Variants in PSD2 observed in about 807,000 individuals in gnomAD.
The protein encoded by PSD2 is pleckstrin and Sec7 domain containing 2, also known as PH and SEC7 domain-containing protein 2.
A neutral mutation model predicts 69.8 loss-of-function variants in PSD2; 38 were observed. That is an observed-to-expected ratio of 0.54 (90% CI 0.42 to 0.71). The LOEUF is 0.71. Ranked by LOEUF, PSD2 falls within the 30% of genes least tolerant of loss-of-function variation. The pLI, the probability that PSD2 is intolerant of heterozygous loss-of-function variation, is 0.00. For synonymous variants in PSD2, 412 were observed against 423.0 expected, an observed-to-expected ratio of 0.97 and a Z score of 0.32; for missense variants, 943 against 1,014.5, an observed-to-expected ratio of 0.93 and a Z score of 0.96.
rs1581742684 is a variant in PSD2 at position 139,839,803 on chromosome 5, G to A, written c.1969-224G>A. ...CCAAGCCTGCGGTGGGGTGGCTGGGGGGCATCGAGGAAAGCTGATGCTGAT... is the reference window on the plus strand; with the variant it reads ...CCAAGCCTGCGGTGGGGTGGCTGGGAGGCATCGAGGAAAGCTGATGCTGAT... On this transcript the variant is annotated intron_variant, in intron 13 of 14. Coordinates refer to ENST00000274710, the MANE Select transcript of PSD2 (RefSeq NM_032289.4). This position sits in a 1 kb window ranked among gnomAD's most constrained non-coding sequence, Gnocchi z 5.1. 6.6e-6 allele frequency among the ~76,000 whole-genome samples: 1 copy of A among 152,184 alleles called. No homozygotes were observed. Among genetic ancestry groups the A allele is most frequent in the East Asian group, 1.9e-4 (1 of 5,192 alleles).
At chr5:139,796,720 G>T (rs895172777) in intron 1 of PSD2, among the ~76,000 whole-genome samples, 2 of 152,216 alleles carry the variant, frequency 1.3e-5, no homozygotes, top group Admixed American at 6.5e-5. Flanking sequence ...GGGACTCCCC[G>T]GAATGATCAC....
chr5:139,765,072 C>T, the PSD2 span, among the ~76,000 whole-genome samples: 1 of 151,946 alleles, frequency 6.6e-6, no homozygotes, highest in East Asian at 1.9e-4. Flanking sequence ...CGAACCCTTC[C>T]AACGCCCCCT....
chr5:139,775,857 C>T, the PSD2 span, among the ~76,000 whole-genome samples: 3 of 152,266 alleles, frequency 2.0e-5, no homozygotes, highest in South Asian at 2.1e-4. Context: ...TTAGTAGAGA[C>T]GGAGTTTCGC....
chr5:139,807,172 A>G lies in PSD2; in HGVS notation c.-50-2219A>G, dbSNP rs142415073. ...AGGCTTAGGCAGAGCCCTGACTCAAAATGGTGGGCTCAGCCCCTAGGTATG... is the reference window on the plus strand; with the variant it reads ...AGGCTTAGGCAGAGCCCTGACTCAAGATGGTGGGCTCAGCCCCTAGGTATG... On this transcript the variant is annotated intron_variant, in intron 1 of 14. Transcript: ENST00000274710. 3.1e-3 allele frequency among the ~76,000 whole-genome samples: 473 copies of G among 152,278 alleles called. 4 individuals carry two copies. The highest frequency in any genetic ancestry group is 0.011 in the African/African-American group (447 of 41,562).
the PSD2 span, among the ~76,000 whole-genome samples, chr5:139,765,197 C>A: frequency 6.6e-6 from 1 of 152,150 alleles, no homozygotes; most frequent in Non-Finnish European, 1.5e-5. Flanking sequence ...TATCTTCACA[C>A]TGCCTTCCAG....
the PSD2 span, among the ~76,000 whole-genome samples, chr5:139,754,651 C>G: frequency 6.6e-6 from 1 of 151,506 alleles, no homozygotes; most frequent in East Asian, 1.9e-4. Flanking sequence ...GAGCTGAGAT[C>G]ACACCACTGC....
chr5:139,791,462 AAAAG>A (rs1759414496), upstream of PSD2, among the ~76,000 whole-genome samples: 1 of 152,146 alleles, frequency 6.6e-6, no homozygotes, highest in Admixed American at 6.5e-5. Flanking sequence ...ACCAAAAACA[AAAAG>A]AAACCCACTC....
intron 14 of PSD2, among the ~76,000 whole-genome samples, chr5:139,841,560 ATTTTAT>A (rs925442746): frequency 6.6e-5 from 10 of 152,188 alleles, no homozygotes; most frequent in African/African-American, 2.4e-4. Flanking sequence ...TCATGTGGTA[ATTTTAT>A]TTTTAACTTT....
chr5:139,827,091 T>C (rs961759707), intron 7 of PSD2, among the ~76,000 whole-genome samples: 8 of 152,238 alleles, frequency 5.3e-5, no homozygotes, highest in African/African-American at 1.9e-4. Flanking sequence ...AATCAATCTC[T>C]GTGGCAAGAG....
chr5:139,786,516 C>T, the PSD2 span, among the ~76,000 whole-genome samples: 1 of 152,176 alleles, frequency 6.6e-6, no homozygotes, highest in Non-Finnish European at 1.5e-5. Context: ...AGCAGCTGTC[C>T]CCATTCTCCT....
the PSD2 span, among the ~76,000 whole-genome samples, chr5:139,744,624 C>T: frequency 6.6e-6 from 1 of 152,130 alleles, no homozygotes; most frequent in Non-Finnish European, 1.5e-5. Context: ...GGGGAAGGCT[C>T]TCACACCCTC....
the PSD2 span, among the ~76,000 whole-genome samples, chr5:139,764,354 G>C: frequency 1.4e-3 from 212 of 152,342 alleles, no homozygotes; most frequent in Non-Finnish European, 2.6e-3. Context: ...TTGGGCTGCA[G>C]TTCCGCCTGG....
rs577777400 is a variant in PSD2, at chr5:139,814,706, G to C, written c.1016+342G>C. Among the ~76,000 whole-genome samples the C allele has an allele frequency of 5.3e-5, 8 of 152,220 alleles. No homozygotes were observed. The highest frequency in any genetic ancestry group is 1.2e-4 in the African/African-American group (5 of 41,534). ...TGGGCCCAGCTAATGGGGCCAGGGA[G>C]AAAGGAGAACCCGGGCCTCGGGGGA... On this transcript the variant is annotated intron_variant, in intron 4 of 14. Transcript: ENST00000274710. The surrounding 1 kb of genome is among the most constrained non-coding windows in gnomAD (Gnocchi z 4.4).
chr5:139,836,127 G>A (rs1423778435), intron 9 of PSD2, among the ~76,000 whole-genome samples: 2 of 152,360 alleles, frequency 1.3e-5, no homozygotes, highest in East Asian at 3.9e-4. Flanking sequence ...ATAACCTGGA[G>A]AATATGACCA....
Position 139,839,881 on chromosome 5 carries a change from C to G in PSD2, c.1969-146C>G, listed in dbSNP as rs960683418. The G allele has an allele frequency of 1.2e-6, 1 of 807,148 alleles. No homozygotes were observed. The highest frequency in any genetic ancestry group is 1.7e-5 in the African/African-American group (1 of 58,412). 50.0% of individuals were successfully genotyped at this position (807,148 alleles called of 1,614,324 possible). A position where few individuals can be genotyped will look rare whatever the true frequency, so the allele number is the denominator to read the frequency against. On this transcript the variant is annotated intron_variant, in intron 13 of 14. Transcript: ENST00000274710. The surrounding 1 kb of genome is among the most constrained non-coding windows in gnomAD (Gnocchi z 5.1). ...GGGAGGAAGAGCATGCCCTCAGGTC[C>G]AGAGTCTGGCTCTGTCCCCACATTT... is the stretch of plus-strand genomic sequence containing the variant.
At chr5:139,790,965 C>T (rs1380610368), upstream of PSD2, among the ~76,000 whole-genome samples, 4 of 152,054 alleles carry the variant, frequency 2.6e-5, no homozygotes, top group East Asian at 3.9e-4. Context: ...GCAGGAAAAT[C>T]GCTTGAACCC....
At chr5:139,790,070 G>A in the PSD2 span, among the ~76,000 whole-genome samples, 1 of 152,128 alleles carries the variant, frequency 6.6e-6, no homozygotes, top group Non-Finnish European at 1.5e-5. Context: ...GCAGGAGAAT[G>A]AGGTCAGAGG....
chr5:139,767,084 C>T, the PSD2 span, among the ~76,000 whole-genome samples: 4 of 151,146 alleles, frequency 2.6e-5, no homozygotes, highest in African/African-American at 9.8e-5. Context: ...GCTCTGCCTC[C>T]CAGGTTCACA....
At chr5:139,786,441 G>T in the PSD2 span, among the ~76,000 whole-genome samples, 1 of 152,182 alleles carries the variant, frequency 6.6e-6, no homozygotes, top group East Asian at 1.9e-4. Context: ...AAATGAGTTA[G>T]GGTCAAGAAA....
Sources: gnomAD v4.1 joint callset for allele counts (sites outside exome capture counted in the v4.1 genomes callset) on GRCh38, gnomAD v4.1.1 for gene constraint, Gnocchi (gnomAD v3.1) non-coding constraint, MANE v1.5 for transcripts, NCBI Gene and HGNC (gene_info 2026-07-23, HGNC 2026-07-21) for gene names.